The following BRAT1 variants were observed in gnomAD, a reference collection of about 807,000 sequenced individuals.
BRAT1 encodes BRCA1 associated ATM activator 1, also known as integrator complex assembly factor BRAT1.
Under a neutral mutation model 70.6 loss-of-function variants are expected in BRAT1, and 74 were observed. The observed-to-expected ratio is 1.05, with a 90% confidence interval of 0.87 to 1.27. BRAT1 has a LOEUF of 1.27. Ranked by LOEUF, BRAT1 falls within the 50% of genes most tolerant of loss-of-function variation. The pLI is 0.00. For synonymous variants in BRAT1, 615 were observed against 517.1 expected, an observed-to-expected ratio of 1.19 and a Z score of -2.57; for missense variants, 1,203 against 1,098.2, an observed-to-expected ratio of 1.10 and a Z score of -1.35.
At chr7:2,546,139 C>A (rs966229742) in intron 3 of BRAT1, among the ~76,000 whole-genome samples, 2 of 152,202 alleles carry the variant, frequency 1.3e-5, no homozygotes, top group African/African-American at 4.8e-5. Flanking sequence ...AGCTCTCATG[C>A]CTTGCTATGT....
rs1253049190 is a variant in BRAT1 at position 2,543,997 on chromosome 7, G to C, written c.431-35C>G. Reference sequence around the variant, plus strand: ...GGATGGGGGAAGAGAGGGAAAAGGGGGTGAGCCAGAATAGAGCTGGGGGAG... The same window carrying C: ...GGATGGGGGAAGAGAGGGAAAAGGGCGTGAGCCAGAATAGAGCTGGGGGAG... On this transcript the variant is annotated intron_variant, in intron 4 of 13. Coordinates refer to ENST00000340611, the MANE Select transcript of BRAT1 (RefSeq NM_152743.4). This position sits in a 1 kb window ranked among gnomAD's most constrained non-coding sequence, Gnocchi z 5.5. 2 of 1,510,390 alleles carry C rather than the reference G, an allele frequency of 1.3e-6. No homozygotes were observed. Among genetic ancestry groups the C allele is most frequent in the Non-Finnish European group, 1.8e-6 (2 of 1,123,006 alleles). 93.6% of individuals were successfully genotyped at this position (1,510,390 alleles called of 1,614,324 possible). A position where few individuals can be genotyped will look rare whatever the true frequency, so the allele number is the denominator to read the frequency against.
intron 3 of BRAT1, 139 bp downstream of exon 3, chr7:2,547,185 C>G (rs112866896): frequency 9.2e-7 from 1 of 1,091,628 alleles, no homozygotes; most frequent in African/African-American, 1.6e-5. Flanking sequence ...AAAAAACATG[C>G]AGTTCTAGTG....
Position 2,543,660 on chromosome 7 carries a change from C to T in BRAT1, c.733G>A (p.Ala245Thr). The T allele has an allele frequency of 1.9e-6, 3 of 1,556,116 alleles. No individual in the cohort carries two copies. The highest frequency in any genetic ancestry group is 2.6e-6 in the Non-Finnish European group (3 of 1,145,596). ...ALWVRLSPRV[A>T]CLLERDPIPA... ...ATGGGGTCTCTCTCCAGCAGACAGG[C>T]CACGCGGGGACTCAGCCGCACCCAC... Residue 245 changes from alanine to threonine, a missense_variant, in exon 5 of 14, where the codon GCC becomes ACC. By Grantham distance (58) the Ala-to-Thr change is moderately conservative. Transcript: ENST00000340611. This position sits in a 1 kb window ranked among gnomAD's most constrained non-coding sequence, Gnocchi z 5.5.
intron 2 of BRAT1, among the ~76,000 whole-genome samples, chr7:2,549,633 G>T (rs914461086): frequency 6.6e-6 from 1 of 152,144 alleles, no homozygotes; most frequent in Non-Finnish European, 1.5e-5. Context: ...AAATCTAACA[G>T]TCGCCTCAAC....
At chr7:2,541,210 G>A (rs1283466698) in intron 9 of BRAT1, 88 bp downstream of exon 9, 2 of 1,450,268 alleles carry the variant, frequency 1.4e-6, no homozygotes, top group Non-Finnish European at 1.8e-6. Flanking sequence ...AAACAGAGAG[G>A]GACAGCAGTT....
intron 1 of BRAT1, among the ~76,000 whole-genome samples, 175 bp from the exon 2 acceptor site, chr7:2,554,622 A>G (rs929305644): frequency 6.6e-6 from 1 of 152,168 alleles, no homozygotes. Context: ...ATGGATGCAA[A>G]GCTTTGGTCT....
intron 4 of BRAT1, 87 bp downstream of exon 4, chr7:2,544,822 C>T (rs1169106726): frequency 4.0e-6 from 6 of 1,508,284 alleles, no homozygotes; most frequent in Non-Finnish European, 5.3e-6. Flanking sequence ...TCGCACAGAC[C>T]AGACACTCAG....
chr7:2,539,899 T>C lies in BRAT1; in HGVS notation c.1396-11A>G, dbSNP rs200500603. ...GGCCTTCTTCAGAACCTGGAGCAGA[T>C]AGGGTGGGCTGCAGGGCCACGGGAG... On this transcript the variant is annotated splice_polypyrimidine_tract_variant and intron_variant, in intron 10 of 13. Transcript: ENST00000340611. The C allele has an allele frequency of 1.6e-4, 242 of 1,518,976 alleles. No homozygotes were observed. The highest frequency in any genetic ancestry group is 5.6e-4 in the African/African-American group (40 of 71,946). The allele number at this position is 1,518,976 out of a possible 1,614,324, so 94.1% of individuals were successfully genotyped here.
intron 10 of BRAT1, 115 bp from the exon 11 acceptor site, chr7:2,540,003 G>A (rs1779023962): frequency 7.1e-6 from 5 of 707,594 alleles, no homozygotes; most frequent in Non-Finnish European, 1.1e-5. Flanking sequence ...ATGGGGACAG[G>A]AAGTGGAGAG....
At chr7:2,540,047 G>A in intron 10 of BRAT1, 159 bp from the exon 11 acceptor site, 1 of 578,426 alleles carries the variant, frequency 1.7e-6, no homozygotes, top group Non-Finnish European at 3.0e-6. Context: ...CTTTTTTAGA[G>A]ACAGGGTCTC....
Position 2,538,076 on chromosome 7 carries a change from C to G in BRAT1, c.2459G>C (p.Cys820Ser). 1 of 1,563,570 alleles carries G rather than the reference C, an allele frequency of 6.4e-7. No homozygotes were observed. The highest frequency in any genetic ancestry group is 1.2e-5 in the South Asian group (1 of 84,614). ...GGCAGACTCTGGTTCTGCTCAGTAG[C>G]AGTCGGCCTCGTCCCCCTGCAGGAA... is the stretch of plus-strand genomic sequence containing the variant. ...GGFLQGDEAD[C>S]Y The change falls in exon 14 of 14, where the codon TGC becomes TCC. Residue 820 changes from cysteine to serine, a missense_variant. Transcript: ENST00000340611.
Position 2,543,706 on chromosome 7 carries a change from C to G in BRAT1, c.687G>C (p.Gln229His), listed in dbSNP as rs765010192. ...NVLTTTFGRC[Q>H]SPWTEALWVR... ...CCCACAGGGCTTCCGTCCAGGGGCT[C>G]TGGCAGCGCCCGAAGGTCGTGGTCA... Residue 229 changes from glutamine (Q) to histidine (H), a missense_variant, in exon 5 of 14, where the codon CAG (glutamine) becomes CAC (histidine). By Grantham distance (24) the Gln-to-His change is conservative (BLOSUM62 0). Transcript: ENST00000340611. This position sits in a 1 kb window ranked among gnomAD's most constrained non-coding sequence, Gnocchi z 5.5. 4 of 1,579,178 alleles carry G rather than the reference C, an allele frequency of 2.5e-6. No individual in the cohort carries two copies. The highest frequency in any genetic ancestry group is 2.3e-5 in the East Asian group (1 of 44,136).
intron 2 of BRAT1, among the ~76,000 whole-genome samples, chr7:2,549,249 C>A (rs1290228190): frequency 6.6e-6 from 1 of 152,112 alleles, no homozygotes; most frequent in Admixed American, 6.6e-5. Flanking sequence ...TCTTGAGAGG[C>A]CGAGGTGGGC....
intron 7 of BRAT1, 66 bp from the exon 8 acceptor site, chr7:2,541,902 C>T: frequency 2.0e-6 from 3 of 1,522,144 alleles, no homozygotes; most frequent in East Asian, 2.3e-5. Context: ...CACCAGCCAC[C>T]CCACGGTCAC....
Position 2,546,956 on chromosome 7 carries a change from A to G in BRAT1, c.282+368T>C, listed in dbSNP as rs7457240. Among the ~76,000 whole-genome samples, 147 of 53,822 alleles carry G rather than the reference A, an allele frequency of 2.7e-3. 1 individual carries two copies. The highest frequency in any genetic ancestry group is 0.021 in the African/African-American group (128 of 6,052). The allele number at this position is 53,822 out of a possible 152,430, so 35.3% of individuals were successfully genotyped here. A position where few individuals can be genotyped will look rare whatever the true frequency, so the allele number is the denominator to read the frequency against. ...AAGAGACGGGGGCCACGGGGCAGCT[A>G]CGACTCCTGTCTCCGTCCCAGGAAG... On this transcript the variant is annotated intron_variant, in intron 3 of 13. Coordinates refer to ENST00000340611, the MANE Select transcript of BRAT1 (RefSeq NM_152743.4).
At chr7:2,545,894 G>C (rs1342442177) in intron 3 of BRAT1, among the ~76,000 whole-genome samples, 1 of 152,242 alleles carries the variant, frequency 6.6e-6, no homozygotes, top group Non-Finnish European at 1.5e-5. Context: ...GCAAGATGGT[G>C]CCTGGGTGGG....
At chr7:2,541,171 T>C in intron 9 of BRAT1, 119 bp from the exon 10 acceptor site, 2 of 763,748 alleles carry the variant, frequency 2.6e-6, no homozygotes, top group Middle Eastern at 3.7e-4. Context: ...GCACGGCCCC[T>C]GCACCCCTCA....
At position 2,538,816 on chromosome 7, in the gene BRAT1, C is replaced by T. The variant is rs771143491; in HGVS notation, c.1771-52G>A. ...GGTTGGTGGGGTGGCAGGAGCGAGGCTCCCGCAACAGGACTCCGGTACATG... is the reference window on the plus strand; with the variant it reads ...GGTTGGTGGGGTGGCAGGAGCGAGGTTCCCGCAACAGGACTCCGGTACATG... On this transcript the variant is annotated intron_variant, in intron 13 of 13. Transcript: ENST00000340611. 1.1e-5 allele frequency: 17 copies of T among 1,589,792 alleles called. No individual in the cohort carries two copies. In the African/African-American group the frequency reaches 1.5e-4, roughly 14 times the overall value.
rs1178837007 is a variant in BRAT1 at position 2,554,465 on chromosome 7, G to A, written c.-16-18C>T. ...CGCAGGCCCTGCAAAGGCAATGTGA[G>A]AGCCAAACCTCAATGCCCACTCCAG... On this transcript the variant is annotated intron_variant, in intron 1 of 13. Coordinates refer to ENST00000340611, the MANE Select transcript of BRAT1 (RefSeq NM_152743.4). The A allele has an allele frequency of 2.5e-6, 4 of 1,603,790 alleles. No homozygotes were observed. Among genetic ancestry groups the A allele is most frequent in the East Asian group, 4.5e-5 (2 of 44,778 alleles).
Sources: allele counts gnomAD v4.1 joint callset (sites outside exome capture counted in the v4.1 genomes callset), GRCh38; gene constraint gnomAD v4.1.1; non-coding constraint Gnocchi (gnomAD v3.1); transcripts MANE v1.5; gene names NCBI Gene and HGNC (gene_info 2026-07-23, HGNC 2026-07-21).